The following ANK3 variants were observed in gnomAD, a reference collection of about 807,000 sequenced individuals.
ANK3 encodes ankyrin 3.
A neutral mutation model predicts 370.9 loss-of-function variants in ANK3; 57 were observed. The observed-to-expected ratio is 0.15, with a 90% CI of 0.12 to 0.19. ANK3 has a LOEUF of 0.19. Ranked by LOEUF, ANK3 falls within the 10% of genes least tolerant of loss-of-function variation. The pLI is 1.00. For synonymous variants in ANK3, 1,929 were observed against 1,946.3 expected, an observed-to-expected ratio of 0.99 and a Z score of 0.23; for missense variants, 4,439 against 5,302.1, an observed-to-expected ratio of 0.84 and a Z score of 5.06.
At chr10:60,319,008 C>T (rs192455941) in intron 1 of ANK3, among the ~76,000 whole-genome samples, 56 of 152,286 alleles carry the variant, frequency 3.7e-4, no homozygotes, top group African/African-American at 1.3e-3. Flanking sequence ...TAATCAGCAG[C>T]GCCTTGCAGA....
At chr10:60,139,767 T>C (rs909185644) in intron 23 of ANK3, 5 of 153,720 alleles carry the variant, frequency 3.3e-5, no homozygotes, top group African/African-American at 1.2e-4. Context: ...GAAAGGACTA[T>C]ATAAATTGCT....
At chr10:60,036,268 C>T (rs1354964428) in intron 43 of ANK3, among the ~76,000 whole-genome samples, 1 of 152,108 alleles carries the variant, frequency 6.6e-6, no homozygotes, top group Non-Finnish European at 1.5e-5. Context: ...CCATCACTGG[C>T]TGCTGCTGCT....
In ANK3 at chr10:60,240,125, T is replaced by C. The variant is rs560807609; in HGVS notation, c.799-5339A>G. On this transcript the variant is annotated intron_variant, in intron 7 of 43. Coordinates refer to ENST00000280772, the MANE Select transcript of ANK3 (RefSeq NM_020987.5). ...ACATAAATACATATATATACACACA[T>C]ATATATACATATATATACACATATA... 2.5e-4 allele frequency among the ~76,000 whole-genome samples: 23 copies of C among 92,858 alleles called. No individual in the cohort carries two copies. The South Asian group carries it at 3.6e-3, about 14-fold the overall frequency. The allele number at this position is 92,858 out of a possible 152,430, so 60.9% of individuals were successfully genotyped here.
intron 1 of ANK3, among the ~76,000 whole-genome samples, chr10:60,620,804 A>C (rs770579969): frequency 8.5e-5 from 13 of 152,172 alleles, no homozygotes; most frequent in Non-Finnish European, 1.5e-4. Flanking sequence ...TTTTTTAATG[A>C]ATAAAAAGAA....
intron 18 of ANK3, among the ~76,000 whole-genome samples, chr10:60,174,110 CT>C (rs1293023366): frequency 1.3e-5 from 2 of 152,138 alleles, no homozygotes; most frequent in African/African-American, 4.8e-5. Flanking sequence ...GGGTCTGTAT[CT>C]TATATGATGG....
intron 1 of ANK3, among the ~76,000 whole-genome samples, chr10:60,347,788 C>G (rs900823876): frequency 2.6e-5 from 4 of 152,166 alleles, no homozygotes; most frequent in African/African-American, 7.2e-5. Flanking sequence ...TGTTAAGACA[C>G]TGATGGCTGG....
intron 1 of ANK3, among the ~76,000 whole-genome samples, chr10:60,694,913 T>C (rs1379086901): frequency 6.7e-6 from 1 of 148,350 alleles, no homozygotes; most frequent in Admixed American, 6.8e-5. Flanking sequence ...ACTTTAAATG[T>C]AAATGGACTA....
intron 2 of ANK3, among the ~76,000 whole-genome samples, chr10:60,553,474 C>T (rs2077137347): frequency 6.6e-6 from 1 of 151,980 alleles, no homozygotes; most frequent in African/African-American, 2.4e-5. Context: ...AAATAAATAC[C>T]TGCTGATATG....
chr10:60,043,269 A>C, intron 42 of ANK3: 1 of 985,552 alleles, frequency 1.0e-6, no homozygotes, highest in Non-Finnish European at 1.2e-6. Flanking sequence ...CATCAGGAAT[A>C]CAGTTCCCCG....
chr10:60,159,830 G>A (rs370423774), intron 23 of ANK3, among the ~76,000 whole-genome samples: 9 of 151,910 alleles, frequency 5.9e-5, no homozygotes, highest in African/African-American at 9.7e-5. Context: ...TTATGTCAAC[G>A]AATAAATTAA....
intron 27 of ANK3, among the ~76,000 whole-genome samples, chr10:60,107,549 C>T (rs2132091051): frequency 6.6e-6 from 1 of 152,286 alleles, no homozygotes; most frequent in Non-Finnish European, 1.5e-5. Context: ...ACAACAAATA[C>T]CAATGCATTT....
chr10:60,693,417 C>T (rs2079389020), intron 1 of ANK3, among the ~76,000 whole-genome samples: 1 of 152,254 alleles, frequency 6.6e-6, no homozygotes, highest in South Asian at 2.1e-4. Context: ...GGAGGCCTGC[C>T]TGCCTCTGTA....
At chr10:60,639,318 AG>A (rs1760621947) in intron 1 of ANK3, among the ~76,000 whole-genome samples, 1 of 151,484 alleles carries the variant, frequency 6.6e-6, no homozygotes, top group Non-Finnish European at 1.5e-5. Flanking sequence ...TAGACCAAAA[AG>A]AAAAAAAAAA....
At chr10:60,289,766 T>C (rs1298130605) in intron 1 of ANK3, among the ~76,000 whole-genome samples, 1 of 152,174 alleles carries the variant, frequency 6.6e-6, no homozygotes, top group Non-Finnish European at 1.5e-5. Context: ...TAATTTTTGG[T>C]GAACAAAGTA....
At chr10:60,199,248 C>A (rs755658522) in intron 13 of ANK3, among the ~76,000 whole-genome samples, 22 of 152,128 alleles carry the variant, frequency 1.4e-4, no homozygotes, top group Non-Finnish European at 2.2e-4. Context: ...TAGAAATTCT[C>A]TACTGAATTG....
In ANK3 at chr10:60,388,131, G is replaced by A. The variant is rs551828202; in HGVS notation, c.114+1294C>T. On this transcript the variant is annotated intron_variant, in intron 1 of 43. Coordinates refer to ENST00000280772, the MANE Select transcript of ANK3 (RefSeq NM_020987.5). ...TGTGCTGTGCAAGGCTTTGAAATAC[G>A]CCTGCACACAATTTCTTAACCCAAG... Among the ~76,000 whole-genome samples the A allele has an allele frequency of 6.6e-5, 10 of 152,118 alleles. No homozygotes were observed. In the East Asian group the frequency reaches 1.2e-3, roughly 18 times the overall value.
intron 1 of ANK3, among the ~76,000 whole-genome samples, chr10:60,726,758 G>C (rs906655434): frequency 6.6e-6 from 1 of 152,042 alleles, no homozygotes; most frequent in African/African-American, 2.4e-5. Context: ...AAAATTCACT[G>C]AATTGAGCGC....
At chr10:60,661,599 TTA>T (rs1325878774) in intron 1 of ANK3, among the ~76,000 whole-genome samples, 1 of 152,170 alleles carries the variant, frequency 6.6e-6, no homozygotes, top group African/African-American at 2.4e-5. Context: ...ATCCTATATT[TTA>T]TCTTTTTCTA....
intron 2 of ANK3, among the ~76,000 whole-genome samples, chr10:60,501,907 G>T (rs2075810115): frequency 6.6e-6 from 1 of 152,064 alleles, no homozygotes. Context: ...CATCGCTTCA[G>T]CCCGGGAGTT....
Sources: gnomAD v4.1 joint callset for allele counts (sites outside exome capture counted in the v4.1 genomes callset) on GRCh38, gnomAD v4.1.1 for gene constraint, MANE v1.5 for transcripts, NCBI Gene and HGNC (gene_info 2026-07-23, HGNC 2026-07-21) for gene names.